PCLO: variants seen among roughly 807,000 people sequenced by gnomAD.
PCLO encodes the protein protein piccolo.
In PCLO, 82 loss-of-function variants were observed where a neutral mutation model predicts 427.5. That is an observed-to-expected ratio of 0.19 (90% CI 0.16 to 0.23). The LOEUF (loss-of-function observed/expected upper bound fraction) is 0.23, where lower values mean the gene tolerates loss of function less well. Ranked by LOEUF, PCLO falls within the 10% of genes least tolerant of loss-of-function variation. The probability of loss-of-function intolerance (pLI) is 1.00; values close to 1 mark genes in which losing one functional copy is unlikely to be tolerated. For synonymous variants in PCLO, 2,357 were observed against 2,155.4 expected, an observed-to-expected ratio of 1.09 and a Z score of -2.59; for missense variants, 6,239 against 6,115.9, an observed-to-expected ratio of 1.02 and a Z score of -0.67.
At chr7:82,862,973 T>C (rs1792999934) in intron 10 of PCLO, among the ~76,000 whole-genome samples, 1 of 151,930 alleles carries the variant, frequency 6.6e-6, no homozygotes. Context: ...ATAACTTAAT[T>C]GTACATTTCA....
intron 10 of PCLO, among the ~76,000 whole-genome samples, chr7:82,857,049 G>A (rs1353061775): frequency 6.6e-6 from 1 of 152,102 alleles, no homozygotes; most frequent in African/African-American, 2.4e-5. Context: ...CAGCAAGAAG[G>A]TCCTCTCAAG....
Position 82,955,165 on chromosome 7 carries a change from CTTTGTA to C in PCLO, c.5782_5787del (p.Tyr1928_Lys1929del), listed in dbSNP as rs1795478254. 3 of 1,613,760 alleles carry C rather than the reference CTTTGTA, an allele frequency of 1.9e-6. No homozygotes were observed. The highest frequency in any genetic ancestry group is 2.2e-5 in the South Asian group (2 of 91,086). ...TCTCGTTCATTTGCAGCTGGAAAAG[CTTTGTA>C]TTTGTGTGTTTTATGCATCATTTCT... On this transcript the variant is annotated inframe_deletion, in exon 5 of 25. Coordinates refer to ENST00000333891, the MANE Select transcript of PCLO (RefSeq NM_033026.6).
At chr7:83,096,609 A>G (rs6944221) in intron 3 of PCLO, among the ~76,000 whole-genome samples, 53,380 of 149,138 alleles carry the variant, frequency 0.36, 10,358 homozygotes, top group East Asian at 0.64. Flanking sequence ...TTTAGGTGGG[A>G]TTGCCATCAA....
chr7:82,798,820 A>T (rs1458990458), intron 22 of PCLO, among the ~76,000 whole-genome samples: 7 of 152,200 alleles, frequency 4.6e-5, no homozygotes, highest in Admixed American at 4.6e-4. Context: ...GTTGCTACCA[A>T]AAGGGCACTT....
chr7:83,055,220 T>G (rs1255459688), intron 3 of PCLO, among the ~76,000 whole-genome samples: 1 of 152,062 alleles, frequency 6.6e-6, no homozygotes, highest in Non-Finnish European at 1.5e-5. Flanking sequence ...GTGGAATAAA[T>G]GGGACGCCTT....
intron 9 of PCLO, among the ~76,000 whole-genome samples, chr7:82,882,863 G>A (rs1028106795): frequency 2.0e-5 from 3 of 151,976 alleles, no homozygotes; most frequent in African/African-American, 7.2e-5. Context: ...TAAATTTACA[G>A]ATTACATCTA....
intron 22 of PCLO, among the ~76,000 whole-genome samples, chr7:82,800,107 C>A (rs1791311959): frequency 6.6e-6 from 1 of 151,918 alleles, no homozygotes; most frequent in African/African-American, 2.4e-5. Context: ...AGGGTGGAAC[C>A]CTGAAGTATA....
chr7:83,055,540 A>G (rs1195711073), intron 3 of PCLO, among the ~76,000 whole-genome samples: 1 of 152,080 alleles, frequency 6.6e-6, no homozygotes, highest in Non-Finnish European at 1.5e-5. Context: ...TCTATCAGTT[A>G]GACACTGTTT....
At chr7:82,918,159 G>C (rs1178955436) in intron 6 of PCLO, among the ~76,000 whole-genome samples, 1 of 151,916 alleles carries the variant, frequency 6.6e-6, no homozygotes, top group Non-Finnish European at 1.5e-5. Context: ...TGTAGCGGTA[G>C]TTTGTTTTTC....
chr7:83,147,053 G>T (rs1009278419), intron 2 of PCLO, among the ~76,000 whole-genome samples: 2 of 143,350 alleles, frequency 1.4e-5, no homozygotes, highest in Non-Finnish European at 3.0e-5. Context: ...AAAAGCTGAA[G>T]GTATAAAAAA....
chr7:82,850,875 T>C (rs1792635879), intron 10 of PCLO, among the ~76,000 whole-genome samples: 1 of 152,136 alleles, frequency 6.6e-6, no homozygotes, highest in African/African-American at 2.4e-5. Context: ...ATAAAGATCA[T>C]TCACACAGGA....
chr7:82,832,670 CA>C (rs1218556799), intron 16 of PCLO, among the ~76,000 whole-genome samples: 1 of 151,878 alleles, frequency 6.6e-6, no homozygotes, highest in Admixed American at 6.6e-5. Context: ...TTTTTAATTT[CA>C]AAAGAAAAAC....
chr7:82,908,261 T>C (rs542663788), intron 8 of PCLO, among the ~76,000 whole-genome samples: 1 of 152,110 alleles, frequency 6.6e-6, no homozygotes, highest in East Asian at 1.9e-4. Flanking sequence ...TCATGAATTT[T>C]GGTATCATAT....
chr7:82,979,534 T>C lies in PCLO; in HGVS notation c.3301-13047A>G, dbSNP rs139985671. Among the ~76,000 whole-genome samples, 179 of 152,308 alleles carry C rather than the reference T, an allele frequency of 1.2e-3. 1 individual carries two copies. In the East Asian group the frequency reaches 0.014, roughly 12 times the overall value. On this transcript the variant is annotated intron_variant, in intron 3 of 24. Coordinates refer to ENST00000333891, the MANE Select transcript of PCLO (RefSeq NM_033026.6). The stretch of plus-strand genomic sequence containing the variant: ...TGCTTTGCTACCTGGTTCCTAACAG[T>C]ATGCCAAAAATGTGTATTATACATT...
intron 2 of PCLO, among the ~76,000 whole-genome samples, chr7:83,151,779 C>T (rs983970993): frequency 2.6e-5 from 4 of 152,236 alleles, no homozygotes; most frequent in Admixed American, 1.3e-4. Flanking sequence ...GATTTGGAAT[C>T]GGAATGATTG....
At chr7:82,882,933 G>A (rs1004071874) in intron 9 of PCLO, among the ~76,000 whole-genome samples, 1 of 151,946 alleles carries the variant, frequency 6.6e-6, no homozygotes, top group African/African-American at 2.4e-5. Context: ...GTATCACAAA[G>A]AATGTTTTAT....
At chr7:82,916,913 G>A (rs560056577) in intron 6 of PCLO, 40 bp from the exon 7 acceptor site, 1 of 1,388,416 alleles carries the variant, frequency 7.2e-7, no homozygotes, top group South Asian at 1.5e-5. Context: ...TTAGTATAAA[G>A]AAAAATAAAA....
chr7:82,834,536 TG>T (rs1383970495), intron 16 of PCLO, among the ~76,000 whole-genome samples: 2 of 152,208 alleles, frequency 1.3e-5, no homozygotes, highest in African/African-American at 4.8e-5. Context: ...GTAGTAAATA[TG>T]TGAAATTTTA....
chr7:82,976,784 T>C (rs973189359), intron 3 of PCLO, among the ~76,000 whole-genome samples: 3 of 152,220 alleles, frequency 2.0e-5, no homozygotes, highest in African/African-American at 7.2e-5. Flanking sequence ...GACTGGTATG[T>C]TAATTAGCCT....
Sources: gnomAD v4.1 joint callset for allele counts (sites outside exome capture counted in the v4.1 genomes callset) on GRCh38, gnomAD v4.1.1 for gene constraint, MANE v1.5 for transcripts, NCBI Gene and HGNC (gene_info 2026-07-23, HGNC 2026-07-21) for gene names.